Variants in RXFP2 observed in about 807,000 individuals in gnomAD.
The protein encoded by RXFP2 is relaxin family peptide receptor 2.
RXFP2 carries 68 observed loss-of-function variants against 88.6 expected under a neutral mutation model. The ratio of observed to expected loss-of-function variants is 0.77; its 90% CI spans 0.63 to 0.94. The LOEUF (loss-of-function observed/expected upper bound fraction) is 0.94. Ranked by LOEUF, RXFP2 falls within the 40% of genes least tolerant of loss-of-function variation. The pLI is 0.00. For missense variants in RXFP2, 791 were observed against 893.9 expected (o/e 0.88, Z 1.47); for synonymous variants, 329 against 306.8 (o/e 1.07, Z -0.76).
At chr13:31,789,029 A>C (rs1873675238) in intron 13 of RXFP2, 93 bp from the exon 14 acceptor site, 3 of 818,780 alleles carry the variant, frequency 3.7e-6, no homozygotes, top group Non-Finnish European at 4.2e-6. Context: ...GTAACATAAG[A>C]TCTTGAAGCA....
intron 5 of RXFP2, among the ~76,000 whole-genome samples, chr13:31,768,171 G>T (rs1270145235): frequency 2.0e-5 from 3 of 152,172 alleles, no homozygotes; most frequent in African/African-American, 4.8e-5. Context: ...ATTCTACTTT[G>T]TCAGAGAAAA....
chr13:31,761,845 C>G, intron 3 of RXFP2, 44 bp downstream of exon 3: 1 of 1,334,140 alleles, frequency 7.5e-7, no homozygotes, highest in Non-Finnish European at 1.1e-6. Flanking sequence ...TTGTGAAAAA[C>G]ATGATTTGTG....
At chr13:31,787,027 A>G (rs574681883) in intron 13 of RXFP2, among the ~76,000 whole-genome samples, 3 of 152,364 alleles carry the variant, frequency 2.0e-5, no homozygotes, top group South Asian at 2.1e-4. Flanking sequence ...ATATTAGTGT[A>G]CAGTGCATTG....
At chr13:31,800,935 G>A (rs1874305053) in intron 17 of RXFP2, among the ~76,000 whole-genome samples, 1 of 151,842 alleles carries the variant, frequency 6.6e-6, no homozygotes, top group Admixed American at 6.6e-5. Context: ...AAAAAATAAG[G>A]ACAAGGAAGA....
chr13:31,761,858 G>C (rs1444977897), intron 3 of RXFP2, 57 bp downstream of exon 3: 1 of 1,188,842 alleles, frequency 8.4e-7, no homozygotes, highest in African/African-American at 1.5e-5. Flanking sequence ...GATTTGTGAT[G>C]CACAGATTTA....
At chr13:31,758,130 A>G (rs1006490551) in intron 1 of RXFP2, 128 bp from the exon 2 acceptor site, 123 of 926,576 alleles carry the variant, frequency 1.3e-4, no homozygotes, top group Non-Finnish European at 2.1e-4. Context: ...ATATTATTCA[A>G]AGAAACTGTG....
chr13:31,769,628 C>T (rs866579292), intron 5 of RXFP2, among the ~76,000 whole-genome samples: 1 of 152,224 alleles, frequency 6.6e-6, no homozygotes, highest in Admixed American at 6.5e-5. Context: ...CCCTTTCCTT[C>T]TGCACTCTAT....
At chr13:31,775,483 A>C (rs1482176953) in intron 7 of RXFP2, 94 bp downstream of exon 7, 15 of 930,372 alleles carry the variant, frequency 1.6e-5, no homozygotes, top group Non-Finnish European at 2.5e-5. Context: ...GACATATCTT[A>C]TTTTTATACT....
chr13:31,778,425 C>G (rs1364308768), intron 8 of RXFP2, 87 bp from the exon 9 acceptor site: 9 of 915,154 alleles, frequency 9.8e-6, no homozygotes, highest in African/African-American at 3.3e-5. Flanking sequence ...TTTTAGCACG[C>G]AAGTTTTGAA....
chr13:31,752,227 C>A (rs1235963526), intron 1 of RXFP2, among the ~76,000 whole-genome samples: 1 of 152,186 alleles, frequency 6.6e-6, no homozygotes, highest in Non-Finnish European at 1.5e-5. Context: ...CCAAATCTGT[C>A]TTTCAAACAT....
Position 31,786,551 on chromosome 13 carries a change from T to G in RXFP2, c.1002-15T>G. 1 of 1,398,502 alleles carries G rather than the reference T, an allele frequency of 7.2e-7. No individual in the cohort carries two copies. The highest frequency in any genetic ancestry group is 1.8e-5 in the Admixed American group (1 of 54,646). 86.6% of individuals were successfully genotyped at this position (1,398,502 alleles called of 1,614,324 possible). A position where few individuals can be genotyped will look rare whatever the true frequency, so the allele number is the denominator to read the frequency against. On this transcript the variant is annotated splice_polypyrimidine_tract_variant and intron_variant, in intron 12 of 17. Transcript: ENST00000298386. ...AAACTTCTTTTCCTCTCTCATCTAA[T>G]GGTAAAAAAAAAAGGAACCTGTCAT...
At chr13:31,744,392 G>T (rs1871326259) in intron 1 of RXFP2, among the ~76,000 whole-genome samples, 1 of 152,086 alleles carries the variant, frequency 6.6e-6, no homozygotes. Context: ...GTTTGCTTAG[G>T]GAACTTTGCC....
At chr13:31,776,734 C>T (rs1221488001) in intron 7 of RXFP2, among the ~76,000 whole-genome samples, 2 of 152,166 alleles carry the variant, frequency 1.3e-5, no homozygotes, top group Non-Finnish European at 2.9e-5. Context: ...CCTGCCCTCA[C>T]CGGCCACTGC....
chr13:31,802,085 T>C (rs1874372496), intron 17 of RXFP2, 61 bp from the exon 18 acceptor site: 13 of 1,538,314 alleles, frequency 8.5e-6, no homozygotes, highest in African/African-American at 1.4e-5. Context: ...CAAAGTGTTA[T>C]TTGTATTTTA....
rs1287580059 is a variant in RXFP2 at position 31,776,107 on chromosome 13, T to C, written c.641+718T>C. Among the ~76,000 whole-genome samples the C allele has an allele frequency of 3.9e-3, 526 of 135,538 alleles. 5 individuals carry two copies. The highest frequency in any genetic ancestry group is 0.015 in the African/African-American group (513 of 34,342). The allele number at this position is 135,538 out of a possible 152,430, so 88.9% of individuals were successfully genotyped here. A position where few individuals can be genotyped will look rare whatever the true frequency, so the allele number is the denominator to read the frequency against. On this transcript the variant is annotated intron_variant, in intron 7 of 17. Coordinates refer to ENST00000298386, the MANE Select transcript of RXFP2 (RefSeq NM_130806.5). ...TTCCTTCTTTCTTTCTTTTCTTTTC[T>C]TTCTTTCTTTCTTTCTTTCTTTCTT...
At chr13:31,802,003 A>G in intron 17 of RXFP2, 143 bp from the exon 18 acceptor site, 1 of 788,080 alleles carries the variant, frequency 1.3e-6, no homozygotes. Context: ...TGCTCTTCCA[A>G]CAAAGATTTT....
intron 14 of RXFP2, among the ~76,000 whole-genome samples, chr13:31,791,542 C>T (rs985317465): frequency 6.6e-6 from 1 of 152,128 alleles, no homozygotes. Flanking sequence ...AACATACAGC[C>T]CCTGAGATTT....
chr13:31,759,316 G>A (rs1258934849), intron 2 of RXFP2, among the ~76,000 whole-genome samples: 1 of 148,776 alleles, frequency 6.7e-6, no homozygotes, highest in Non-Finnish European at 1.5e-5. Flanking sequence ...AACTTGGAGG[G>A]AGGGATACTT....
At chr13:31,774,523 C>G in intron 5 of RXFP2, 97 bp from the exon 6 acceptor site, 1 of 770,786 alleles carries the variant, frequency 1.3e-6, no homozygotes, top group Non-Finnish European at 2.4e-6. Flanking sequence ...TTCAATTTCA[C>G]AATTGTCTTC....
Sources: gnomAD v4.1 joint callset for allele counts (sites outside exome capture counted in the v4.1 genomes callset) on GRCh38, gnomAD v4.1.1 for gene constraint, MANE v1.5 for transcripts, NCBI Gene and HGNC (gene_info 2026-07-23, HGNC 2026-07-21) for gene names.